The following PRR16 variants were observed in gnomAD, a reference collection of about 807,000 sequenced individuals.
PRR16 encodes the protein proline rich 16.
In PRR16, 6 loss-of-function variants were observed where a neutral mutation model predicts 18.2. That is an observed-to-expected ratio of 0.33 (90% CI 0.18 to 0.65). The LOEUF (loss-of-function observed/expected upper bound fraction) is 0.65, where lower values mean the gene tolerates loss of function less well. Among genes scored for constraint, PRR16 ranks in the 30% least tolerant of loss-of-function variants. The pLI is 0.74. For synonymous variants in PRR16, 151 were observed against 147.8 expected, an observed-to-expected ratio of 1.02 and a Z score of -0.16; for missense variants, 412 against 376.6, an observed-to-expected ratio of 1.09 and a Z score of -0.78.
intron 1 of PRR16, among the ~76,000 whole-genome samples, chr5:120,592,858 T>C (rs1022641284): frequency 4.6e-5 from 7 of 152,164 alleles, no homozygotes; most frequent in Non-Finnish European, 1.0e-4. Flanking sequence ...AATATATTAC[T>C]CTTTTTTTAG....
chr5:120,614,756 G>T (rs1476313557), intron 1 of PRR16, among the ~76,000 whole-genome samples: 1 of 152,180 alleles, frequency 6.6e-6, no homozygotes, highest in Non-Finnish European at 1.5e-5. Context: ...CAGCCAACCA[G>T]CAGAACAGAA....
chr5:120,482,048 G>A (rs1390069354), intron 1 of PRR16, among the ~76,000 whole-genome samples: 1 of 152,070 alleles, frequency 6.6e-6, no homozygotes, highest in Non-Finnish European at 1.5e-5. Flanking sequence ...AATTTAGTAT[G>A]TTATACAAAG....
chr5:120,615,894 A>G (rs911631143), intron 1 of PRR16, among the ~76,000 whole-genome samples: 4 of 152,308 alleles, frequency 2.6e-5, no homozygotes, highest in East Asian at 1.9e-4. Flanking sequence ...TTTATTGACT[A>G]TATTCATGTG....
At chr5:120,704,032 G>T in the PRR16 span, among the ~76,000 whole-genome samples, 1,034 of 152,188 alleles carry the variant, frequency 6.8e-3, 20 homozygotes, top group African/African-American at 0.024. Flanking sequence ...TAGAATTTGG[G>T]GCTTTTGTTT....
the PRR16 span, among the ~76,000 whole-genome samples, chr5:120,698,186 C>A: frequency 1.3e-5 from 2 of 151,848 alleles, no homozygotes; most frequent in African/African-American, 4.8e-5. Context: ...GGCGTGGGAA[C>A]CTAGAGTGGG....
the PRR16 span, among the ~76,000 whole-genome samples, chr5:120,756,695 C>CT: frequency 6.6e-6 from 1 of 151,600 alleles, no homozygotes; most frequent in Admixed American, 6.6e-5. Flanking sequence ...TATATTAGAC[C>CT]TTTGTTGGGT....
intron 1 of PRR16, among the ~76,000 whole-genome samples, chr5:120,493,503 A>T (rs1475318271): frequency 6.6e-6 from 1 of 152,140 alleles, no homozygotes; most frequent in Non-Finnish European, 1.5e-5. Flanking sequence ...TCATGCAGTT[A>T]TAAGAAATGA....
At chr5:120,752,924 G>T in the PRR16 span, among the ~76,000 whole-genome samples, 28 of 151,966 alleles carry the variant, frequency 1.8e-4, no homozygotes, top group African/African-American at 6.3e-4. Context: ...AGACAACAAT[G>T]TAAGACTTTT....
chr5:120,507,252 A>G (rs917995528), intron 1 of PRR16, among the ~76,000 whole-genome samples: 1 of 152,114 alleles, frequency 6.6e-6, no homozygotes, highest in African/African-American at 2.4e-5. Flanking sequence ...AAAGATTTCT[A>G]CCCTTTAAGG....
the PRR16 span, among the ~76,000 whole-genome samples, chr5:120,793,354 G>T: frequency 6.7e-6 from 1 of 150,344 alleles, no homozygotes; most frequent in East Asian, 1.9e-4. Context: ...AAAATAAAAA[G>T]AAAAAAAAAG....
intron 1 of PRR16, among the ~76,000 whole-genome samples, chr5:120,573,925 C>A (rs1752983820): frequency 6.6e-6 from 1 of 151,174 alleles, no homozygotes. Context: ...ATATCAAACA[C>A]CATTTAGTAT....
At chr5:120,650,807 T>C (rs1331024386) in intron 1 of PRR16, among the ~76,000 whole-genome samples, 1 of 152,142 alleles carries the variant, frequency 6.6e-6, no homozygotes, top group Non-Finnish European at 1.5e-5. Flanking sequence ...TGTGTCTTTA[T>C]AGCAGCATGA....
intron 1 of PRR16, among the ~76,000 whole-genome samples, chr5:120,543,666 A>G (rs902861004): frequency 1.3e-5 from 2 of 152,214 alleles, no homozygotes; most frequent in Non-Finnish European, 2.9e-5. Flanking sequence ...CATATTACTG[A>G]TAGATCATTT....
At chr5:120,736,389 C>T in the PRR16 span, among the ~76,000 whole-genome samples, 1 of 151,990 alleles carries the variant, frequency 6.6e-6, no homozygotes, top group Admixed American at 6.6e-5. Flanking sequence ...GTCAGCCTCC[C>T]GAGTAGCTGA....
chr5:120,660,938 G>T (rs1438610980), intron 1 of PRR16, among the ~76,000 whole-genome samples: 1 of 151,970 alleles, frequency 6.6e-6, no homozygotes, highest in Admixed American at 6.6e-5. Context: ...TTGTGTGTTT[G>T]TTTTTAAAGA....
chr5:120,465,990 A>G (rs1039992694), intron 1 of PRR16, among the ~76,000 whole-genome samples: 2 of 152,098 alleles, frequency 1.3e-5, no homozygotes, highest in Admixed American at 6.5e-5. Context: ...TACCTAATGC[A>G]AGTCTGTTAA....
At chr5:120,491,692 C>T (rs1240417734) in intron 1 of PRR16, among the ~76,000 whole-genome samples, 3 of 151,876 alleles carry the variant, frequency 2.0e-5, no homozygotes, top group South Asian at 2.1e-4. Flanking sequence ...TACAGCCACC[C>T]GCCACCACAC....
chr5:120,727,386 C>G, the PRR16 span, among the ~76,000 whole-genome samples: 1 of 151,992 alleles, frequency 6.6e-6, no homozygotes, highest in Non-Finnish European at 1.5e-5. Flanking sequence ...TGGTCACCTG[C>G]CTAATCTGTA....
chr5:120,765,030 C>T, the PRR16 span, among the ~76,000 whole-genome samples: 4 of 152,062 alleles, frequency 2.6e-5, no homozygotes, highest in Admixed American at 6.6e-5. Context: ...TCACCCTTTC[C>T]CAAGATGTTT....
Sources: allele counts gnomAD v4.1 joint callset (sites outside exome capture counted in the v4.1 genomes callset), GRCh38; gene constraint gnomAD v4.1.1; transcripts MANE v1.5; gene names NCBI Gene and HGNC (gene_info 2026-07-23, HGNC 2026-07-21).